AOPEP: variants seen among roughly 807,000 people sequenced by gnomAD.
The protein encoded by AOPEP is aminopeptidase O.
AOPEP carries 77 observed loss-of-function variants against 98.1 expected under a neutral mutation model. The ratio of observed to expected loss-of-function variants is 0.78; its 90% CI spans 0.65 to 0.95. The LOEUF (loss-of-function observed/expected upper bound fraction) is 0.95, where lower values mean the gene tolerates loss of function less well. Among genes scored for constraint, AOPEP ranks in the 40% least tolerant of loss-of-function variants. The pLI is 0.00. For synonymous variants in AOPEP, 346 were observed against 365.3 expected (o/e 0.95, Z 0.60); for missense variants, 1,024 against 1,024.7 (o/e 1.00, Z 0.01).
chr9:94,869,462 A>G (rs1193660012), intron 5 of AOPEP, among the ~76,000 whole-genome samples: 2 of 152,158 alleles, frequency 1.3e-5, no homozygotes, highest in African/African-American at 4.8e-5. Context: ...ATTTGTTTGG[A>G]GACTTGAGTC....
chr9:94,953,803 T>A (rs559708594), intron 7 of AOPEP, among the ~76,000 whole-genome samples: 1 of 152,188 alleles, frequency 6.6e-6, no homozygotes, highest in Admixed American at 6.5e-5. Context: ...ATCCAGTGAG[T>A]GGCCGGTTTT....
chr9:95,073,327 G>A (rs190801213), intron 14 of AOPEP, among the ~76,000 whole-genome samples: 58 of 152,250 alleles, frequency 3.8e-4, no homozygotes, highest in African/African-American at 8.7e-4. Context: ...TGCCTGAGCC[G>A]ACGAGGGTCC....
chr9:95,107,844 G>T, the AOPEP span, among the ~76,000 whole-genome samples: 1 of 152,144 alleles, frequency 6.6e-6, no homozygotes, highest in African/African-American at 2.4e-5. Flanking sequence ...GTTCATACGT[G>T]TTTAATGCTC....
At chr9:94,897,347 A>C (rs915479732) in intron 5 of AOPEP, among the ~76,000 whole-genome samples, 1 of 152,146 alleles carries the variant, frequency 6.6e-6, no homozygotes, top group African/African-American at 2.4e-5. Context: ...TGATCAATAA[A>C]TGTTATTGAG....
chr9:94,735,325 A>G lies in AOPEP; in HGVS notation c.-136+8574A>G, dbSNP rs1587952588. Among the ~76,000 whole-genome samples, 11 of 152,264 alleles carry G rather than the reference A, an allele frequency of 7.2e-5. No homozygotes were observed. In the South Asian group the frequency reaches 1.9e-3, roughly 26 times the overall value. ...AAGCTCTGCCTCCTGGGTTCACGCC[A>G]TTCTCCTGCCTCAGCCTCGCAAGTA... is the stretch of plus-strand genomic sequence containing the variant. On this transcript the variant is annotated intron_variant, in intron 1 of 16. Transcript: ENST00000375315.
intron 5 of AOPEP, among the ~76,000 whole-genome samples, chr9:94,866,853 T>A (rs2045759392): frequency 6.6e-6 from 1 of 152,086 alleles, no homozygotes; most frequent in Non-Finnish European, 1.5e-5. Context: ...TTTTGAAGAG[T>A]TTGGTGACTC....
At chr9:94,742,472 G>A (rs1341463645) in intron 1 of AOPEP, among the ~76,000 whole-genome samples, 3 of 150,838 alleles carry the variant, frequency 2.0e-5, no homozygotes, top group Non-Finnish European at 2.9e-5. Context: ...TCACTCTGTC[G>A]CCAGGCTGAT....
chr9:94,944,382 A>G (rs764437149), intron 7 of AOPEP, among the ~76,000 whole-genome samples: 8 of 152,230 alleles, frequency 5.3e-5, no homozygotes, highest in Non-Finnish European at 1.0e-4. Flanking sequence ...ATATCCATAC[A>G]GTGGAATATT....
chr9:95,101,584 C>T, the AOPEP span: 1 of 1,182,550 alleles, frequency 8.5e-7, no homozygotes, highest in Non-Finnish European at 1.2e-6. Context: ...ATGTGTACAG[C>T]TCATTCTCAC....
chr9:94,938,997 C>A (rs2056672816), intron 7 of AOPEP, among the ~76,000 whole-genome samples: 1 of 152,222 alleles, frequency 6.6e-6, no homozygotes, highest in Middle Eastern at 3.4e-3. Flanking sequence ...CACCTGTAAT[C>A]CCAGCACTTT....
At chr9:94,836,601 C>T (rs2041631735) in intron 5 of AOPEP, among the ~76,000 whole-genome samples, 2 of 152,146 alleles carry the variant, frequency 1.3e-5, no homozygotes, top group Admixed American at 1.3e-4. Flanking sequence ...TAGATAGAAT[C>T]CTTTGTCAGA....
At chr9:94,837,223 G>A (rs566258823) in intron 5 of AOPEP, among the ~76,000 whole-genome samples, 2 of 152,194 alleles carry the variant, frequency 1.3e-5, no homozygotes, top group Admixed American at 6.5e-5. Flanking sequence ...TAGAAACTCT[G>A]AACAGAACAA....
At chr9:94,978,072 C>T (rs934513222) in intron 10 of AOPEP, among the ~76,000 whole-genome samples, 1 of 152,144 alleles carries the variant, frequency 6.6e-6, no homozygotes, top group African/African-American at 2.4e-5. Context: ...CAAAGCCAAC[C>T]CCTCCTTCCC....
the AOPEP span, among the ~76,000 whole-genome samples, chr9:95,108,635 T>G: frequency 6.6e-6 from 1 of 152,242 alleles, no homozygotes; most frequent in African/African-American, 2.4e-5. Context: ...TTTCTTTTCT[T>G]TTTAAAGTAT....
rs113581781 is a variant in AOPEP, at chr9:94,858,854, G to A, written c.1364+57852G>A. Among the ~76,000 whole-genome samples, 1,106 of 152,098 alleles carry A rather than the reference G, an allele frequency of 7.3e-3. 14 individuals carry two copies. Among genetic ancestry groups the A allele is most frequent in the African/African-American group, 0.026 (1,063 of 41,522 alleles). On this transcript the variant is annotated intron_variant, in intron 5 of 16. Transcript: ENST00000375315. ...ACCTGAGATCAGGAGTTGGAGACCCGCCTGGCCAACATGGTGAAACCCTGT... is the reference window on the plus strand; with the variant it reads ...ACCTGAGATCAGGAGTTGGAGACCCACCTGGCCAACATGGTGAAACCCTGT...
At chr9:94,814,597 G>A (rs548544465) in intron 5 of AOPEP, among the ~76,000 whole-genome samples, 41 of 152,348 alleles carry the variant, frequency 2.7e-4, no homozygotes, top group Non-Finnish European at 5.0e-4. Flanking sequence ...TTCTGAACAA[G>A]TGAGGGCCAT....
At chr9:94,791,078 T>C (rs1199159276) in intron 3 of AOPEP, among the ~76,000 whole-genome samples, 1 of 151,982 alleles carries the variant, frequency 6.6e-6, no homozygotes, top group African/African-American at 2.4e-5. Flanking sequence ...AGCAAAGACA[T>C]TGAATCAACT....
chr9:94,954,107 G>GACA (rs2058294120), intron 7 of AOPEP, among the ~76,000 whole-genome samples: 1 of 152,172 alleles, frequency 6.6e-6, no homozygotes, highest in Admixed American at 6.5e-5. Flanking sequence ...CGGATGGCTT[G>GACA]AGCTCAGGAG....
chr9:95,036,143 G>C (rs1054562326), intron 13 of AOPEP, among the ~76,000 whole-genome samples: 1 of 152,182 alleles, frequency 6.6e-6, no homozygotes, highest in Non-Finnish European at 1.5e-5. Flanking sequence ...TCCTTTGTGA[G>C]GATGTGCATA....
Sources: allele counts gnomAD v4.1 joint callset (sites outside exome capture counted in the v4.1 genomes callset), GRCh38; gene constraint gnomAD v4.1.1; transcripts MANE v1.5; gene names NCBI Gene and HGNC (gene_info 2026-07-23, HGNC 2026-07-21).